LARP1B: variants seen among roughly 807,000 people sequenced by gnomAD.
LARP1B encodes la-related protein 1B.
A neutral mutation model predicts 114.2 loss-of-function variants in LARP1B; 76 were observed. The observed-to-expected ratio is 0.67, with a 90% CI of 0.55 to 0.81. LARP1B has a LOEUF of 0.81. LARP1B is among the 30% of genes least tolerant of loss of function. The pLI, the probability that LARP1B is intolerant of heterozygous loss-of-function variation, is 0.00. For synonymous variants in LARP1B, 345 were observed against 348.0 expected, an observed-to-expected ratio of 0.99 and a Z score of 0.10; for missense variants, 1,014 against 1,075.8, an observed-to-expected ratio of 0.94 and a Z score of 0.80.
intron 11 of LARP1B, among the ~76,000 whole-genome samples, chr4:128,144,742 G>A (rs550207192): frequency 3.3e-4 from 50 of 152,022 alleles, no homozygotes; most frequent in Middle Eastern, 3.4e-3. Context: ...TTTTAGGCCC[G>A]TCCAAGTAAA....
chr4:128,093,697 GT>G (rs910544412), intron 7 of LARP1B, among the ~76,000 whole-genome samples: 1 of 143,192 alleles, frequency 7.0e-6, no homozygotes, highest in Non-Finnish European at 1.5e-5. Context: ...TGGTTGAGGG[GT>G]TTTTTTTAAA....
At chr4:128,220,824 T>C (rs1012555393) in intron 7 of LARP1B, among the ~76,000 whole-genome samples, 3 of 152,190 alleles carry the variant, frequency 2.0e-5, no homozygotes, top group African/African-American at 7.2e-5. Context: ...GAATGGATCC[T>C]ACCTAAAACA....
intron 4 of LARP1B, among the ~76,000 whole-genome samples, chr4:128,078,591 A>G (rs1263006508): frequency 6.6e-6 from 1 of 151,678 alleles, no homozygotes; most frequent in Non-Finnish European, 1.5e-5. Context: ...GCAGTGCAAG[A>G]CTGTCTCAAA....
chr4:128,212,912 C>CTTTTTTT (rs1174891101), downstream of LARP1B, among the ~76,000 whole-genome samples: 114 of 83,724 alleles, frequency 1.4e-3, no homozygotes, highest in Non-Finnish European at 1.9e-3. Flanking sequence ...AAATCTCTCT[C>CTTTTTTT]TTTTTTTTTT....
At chr4:128,115,588 CT>C (rs1218208196) in intron 10 of LARP1B, among the ~76,000 whole-genome samples, 1 of 152,118 alleles carries the variant, frequency 6.6e-6, no homozygotes, top group Non-Finnish European at 1.5e-5. Flanking sequence ...AGAATTTTGT[CT>C]TGGTTTTTCT....
At chr4:128,066,797 AT>A (rs34995808) in intron 1 of LARP1B, among the ~76,000 whole-genome samples, 28,225 of 125,052 alleles carry the variant, frequency 0.23, 2,907 homozygotes, top group Middle Eastern at 0.32. Context: ...TTTTCTTGCC[AT>A]TTTTTTTTTT....
At chr4:128,074,722 A>G (rs1250933835) in intron 2 of LARP1B, among the ~76,000 whole-genome samples, 1 of 152,226 alleles carries the variant, frequency 6.6e-6, no homozygotes, top group Non-Finnish European at 1.5e-5. Flanking sequence ...ATGTTATTAA[A>G]TAGTGGTGAA....
intron 5 of LARP1B, among the ~76,000 whole-genome samples, chr4:128,083,785 T>C: frequency 6.9e-6 from 1 of 145,484 alleles, no homozygotes; most frequent in African/African-American, 2.6e-5. Context: ...ACGGGGCGGC[T>C]GGCCGGGCGG....
chr4:128,185,254 T>C (rs1309162343), intron 15 of LARP1B, among the ~76,000 whole-genome samples: 1 of 152,160 alleles, frequency 6.6e-6, no homozygotes, highest in Non-Finnish European at 1.5e-5. Flanking sequence ...ACTTCTATTC[T>C]GTTTTCTGTA....
At chr4:128,134,342 TGGAGAAA>T (rs778641502) in intron 11 of LARP1B, among the ~76,000 whole-genome samples, 104 of 152,116 alleles carry the variant, frequency 6.8e-4, no homozygotes, top group Non-Finnish European at 9.1e-4. Context: ...GACCACTCAA[TGGAGAAA>T]GGATAATCTC....
intron 10 of LARP1B, among the ~76,000 whole-genome samples, chr4:128,115,664 T>C (rs1007955330): frequency 6.6e-6 from 1 of 152,256 alleles, no homozygotes; most frequent in African/African-American, 2.4e-5. Flanking sequence ...AATATGACTT[T>C]TATTTTTTGA....
At chr4:128,119,200 G>A (rs1289711373) in intron 10 of LARP1B, among the ~76,000 whole-genome samples, 1 of 152,120 alleles carries the variant, frequency 6.6e-6, no homozygotes, top group Admixed American at 6.5e-5. Context: ...CACGTTCTTG[G>A]TAAGTGAAAA....
chr4:128,125,901 T>C (rs906944055), intron 11 of LARP1B, among the ~76,000 whole-genome samples: 1 of 152,184 alleles, frequency 6.6e-6, no homozygotes, highest in African/African-American at 2.4e-5. Context: ...TTTGATGTGA[T>C]TGTGGTCTCT....
chr4:128,126,143 A>C (rs908634575), intron 11 of LARP1B, among the ~76,000 whole-genome samples: 1 of 114,878 alleles, frequency 8.7e-6, no homozygotes, highest in Non-Finnish European at 1.7e-5. Flanking sequence ...TTTTTTTGAG[A>C]TGGAGTCTCT....
At chr4:128,129,545 C>T (rs1185271046) in intron 11 of LARP1B, among the ~76,000 whole-genome samples, 1 of 151,928 alleles carries the variant, frequency 6.6e-6, no homozygotes, top group Non-Finnish European at 1.5e-5. Context: ...TGGATATCTC[C>T]AGAGGCAAAA....
At chr4:128,169,930 AC>A (rs1274669445) in intron 12 of LARP1B, among the ~76,000 whole-genome samples, 1 of 152,104 alleles carries the variant, frequency 6.6e-6, no homozygotes, top group Non-Finnish European at 1.5e-5. Context: ...AGCCATGAGC[AC>A]AGCCCTTAAT....
At chr4:128,071,262 G>A (rs1052693684) in intron 1 of LARP1B, among the ~76,000 whole-genome samples, 13 of 151,862 alleles carry the variant, frequency 8.6e-5, no homozygotes, top group Non-Finnish European at 1.9e-4. Context: ...TAGCCAGGAT[G>A]GTCTCGATCT....
chr4:128,136,052 G>A (rs766851971), intron 11 of LARP1B, among the ~76,000 whole-genome samples: 2 of 152,010 alleles, frequency 1.3e-5, no homozygotes, highest in East Asian at 1.9e-4. Context: ...CACCACTTTC[G>A]GAGGCCAAGG....
intron 12 of LARP1B, among the ~76,000 whole-genome samples, chr4:128,170,695 T>A (rs1431675992): frequency 6.6e-6 from 1 of 152,122 alleles, no homozygotes; most frequent in Non-Finnish European, 1.5e-5. Flanking sequence ...ACTTTTTACT[T>A]TTAACGTACC....
Sources: allele counts gnomAD v4.1 joint callset (sites outside exome capture counted in the v4.1 genomes callset), GRCh38; gene constraint gnomAD v4.1.1; transcripts MANE v1.5; gene names NCBI Gene and HGNC (gene_info 2026-07-23, HGNC 2026-07-21).